The following LOC400499 variants were observed in gnomAD, a reference collection of about 807,000 sequenced individuals.
the LOC400499 span, among the ~76,000 whole-genome samples, chr16:11,474,849 G>A: frequency 6.6e-6 from 1 of 152,124 alleles, no homozygotes; most frequent in Non-Finnish European, 1.5e-5. Flanking sequence ...CGGTCTGGAC[G>A]ACAGAGACCC....
chr16:11,424,450 A>C, the LOC400499 span: 1 of 398,600 alleles, frequency 2.5e-6, no homozygotes, highest in Non-Finnish European at 4.4e-6. Flanking sequence ...CCTGGCCAGC[A>C]CACCTGCTCT....
chr16:11,482,994 T>A, the LOC400499 span, among the ~76,000 whole-genome samples: 1 of 151,550 alleles, frequency 6.6e-6, no homozygotes, highest in African/African-American at 2.4e-5. Flanking sequence ...CAAAATAAGA[T>A]GAGCAAAAGA....
At chr16:11,486,272 GGGAT>G in the LOC400499 span, among the ~76,000 whole-genome samples, 28 of 43,914 alleles carry the variant, frequency 6.4e-4, 1 homozygote, top group African/African-American at 2.8e-3. Flanking sequence ...GATGGATGGA[GGGAT>G]GGATGGATGG....
the LOC400499 span, among the ~76,000 whole-genome samples, chr16:11,489,124 G>A: frequency 6.6e-6 from 1 of 152,202 alleles, no homozygotes; most frequent in Non-Finnish European, 1.5e-5. Context: ...AAGGTGTCAT[G>A]GACTCAAAAG....
chr16:11,462,185 T>A, the LOC400499 span: 1 of 1,534,756 alleles, frequency 6.5e-7, no homozygotes, highest in Non-Finnish European at 8.7e-7. Context: ...GCTGCCCACC[T>A]GCCGTGTGAG....
chr16:11,413,756 G>A, the LOC400499 span, among the ~76,000 whole-genome samples: 2 of 152,188 alleles, frequency 1.3e-5, no homozygotes, highest in African/African-American at 4.8e-5. Context: ...CACAGCAGGT[G>A]CTTAAGGATC....
the LOC400499 span, among the ~76,000 whole-genome samples, chr16:11,433,228 G>A: frequency 6.6e-6 from 1 of 152,148 alleles, no homozygotes; most frequent in South Asian, 2.1e-4. Flanking sequence ...CCTACAACAA[G>A]GTGCATTTTA....
At chr16:11,474,229 A>G in the LOC400499 span, among the ~76,000 whole-genome samples, 1 of 152,212 alleles carries the variant, frequency 6.6e-6, no homozygotes, top group Non-Finnish European at 1.5e-5. Context: ...GTTGTGGGAC[A>G]AAGTGGCTAC....
At chr16:11,422,509 G>A in the LOC400499 span, among the ~76,000 whole-genome samples, 2 of 152,142 alleles carry the variant, frequency 1.3e-5, no homozygotes, top group South Asian at 2.1e-4. Context: ...CAGCAACAGC[G>A]GCAGCAGCTG....
At chr16:11,504,554 C>G in the LOC400499 span, among the ~76,000 whole-genome samples, 1 of 139,648 alleles carries the variant, frequency 7.2e-6, no homozygotes, top group Non-Finnish European at 1.6e-5. Flanking sequence ...AGACTCCGTC[C>G]CCCCCCCCAA....
At chr16:11,524,408 G>A in the LOC400499 span, among the ~76,000 whole-genome samples, 1 of 125,210 alleles carries the variant, frequency 8.0e-6, no homozygotes, top group African/African-American at 3.6e-5. Flanking sequence ...ACTTGCCCAG[G>A]TGCACACAGC....
chr16:11,402,624 C>T, the LOC400499 span, among the ~76,000 whole-genome samples: 2 of 152,148 alleles, frequency 1.3e-5, no homozygotes, highest in Admixed American at 6.5e-5. Context: ...GCTTTCAGCT[C>T]AGGATGTCCT....
At chr16:11,373,399 C>T in the LOC400499 span, among the ~76,000 whole-genome samples, 1 of 152,202 alleles carries the variant, frequency 6.6e-6, no homozygotes. Flanking sequence ...GGCTGGAGTA[C>T]AGTGGCTCAC....
the LOC400499 span, among the ~76,000 whole-genome samples, chr16:11,509,585 C>A: frequency 2.0e-5 from 3 of 151,286 alleles, no homozygotes; most frequent in African/African-American, 7.3e-5. Flanking sequence ...AATCCCAGCA[C>A]TTTGGGAGGC....
At chr16:11,379,116 G>T in the LOC400499 span, among the ~76,000 whole-genome samples, 3 of 152,176 alleles carry the variant, frequency 2.0e-5, no homozygotes, top group African/African-American at 4.8e-5. Context: ...ATAGCTGGTC[G>T]TGGTGGCATA....
At chr16:11,385,235 G>A in the LOC400499 span, 163 of 1,232,298 alleles carry the variant, frequency 1.3e-4, no homozygotes, top group Admixed American at 5.1e-4. Context: ...AGAGGATGAG[G>A]GTCTTGTGGT....
At chr16:11,403,972 C>T in the LOC400499 span, among the ~76,000 whole-genome samples, 1 of 152,188 alleles carries the variant, frequency 6.6e-6, no homozygotes, top group Non-Finnish European at 1.5e-5. Context: ...TGCCTCGCCT[C>T]ATCCCTTCTC....
At chr16:11,500,682 G>C in the LOC400499 span, 6 of 396,582 alleles carry the variant, frequency 1.5e-5, no homozygotes, top group African/African-American at 1.2e-4. Context: ...GGGTGGTCTG[G>C]CCTCCTCTGC....
At chr16:11,502,836 G>C in the LOC400499 span, among the ~76,000 whole-genome samples, 6 of 150,034 alleles carry the variant, frequency 4.0e-5, no homozygotes, top group African/African-American at 1.2e-4. Flanking sequence ...GGATGGTCTC[G>C]ATCTCCTGAC....
Sources: gnomAD v4.1 joint callset for allele counts (sites outside exome capture counted in the v4.1 genomes callset) on GRCh38, gnomAD v4.1.1 for gene constraint, MANE v1.5 for transcripts.